The following KDSR variants were observed in gnomAD, a reference collection of about 807,000 sequenced individuals.
KDSR encodes the protein 3-dehydrosphinganine reductase.
KDSR carries 23 observed loss-of-function variants against 41.3 expected under a neutral mutation model. The observed-to-expected ratio is 0.56, with a 90% CI of 0.40 to 0.79. The LOEUF (loss-of-function observed/expected upper bound fraction) is 0.79, where lower values mean the gene tolerates loss of function less well. Among genes scored for constraint, KDSR ranks in the 30% least tolerant of loss-of-function variants. The pLI, the probability that KDSR is intolerant of heterozygous loss-of-function variation, is 0.00. For synonymous variants in KDSR, 138 were observed against 151.7 expected, an observed-to-expected ratio of 0.91 and a Z score of 0.66; for missense variants, 351 against 416.8, an observed-to-expected ratio of 0.84 and a Z score of 1.37.
At chr18:63,348,779 T>C (rs1274184129) in intron 6 of KDSR, among the ~76,000 whole-genome samples, 2 of 152,146 alleles carry the variant, frequency 1.3e-5, no homozygotes, top group African/African-American at 4.8e-5. Flanking sequence ...TGCTCTAAAT[T>C]AGTGAATGCT....
intron 2 of KDSR, among the ~76,000 whole-genome samples, chr18:63,360,942 G>A (rs531552445): frequency 7.6e-6 from 1 of 130,940 alleles, no homozygotes; most frequent in African/African-American, 3.0e-5. Flanking sequence ...ATCACTTAAG[G>A]TCAGGAGTTT....
intron 7 of KDSR, among the ~76,000 whole-genome samples, chr18:63,339,298 A>G (rs1914275085): frequency 6.6e-6 from 1 of 152,236 alleles, no homozygotes; most frequent in Non-Finnish European, 1.5e-5. Context: ...CAGCAACTCC[A>G]TTCTGACCAT....
chr18:63,357,472 TAA>T (rs34264344), intron 3 of KDSR, among the ~76,000 whole-genome samples: 2 of 137,824 alleles, frequency 1.5e-5, no homozygotes, highest in Admixed American at 7.5e-5. Flanking sequence ...TACGCAGCAG[TAA>T]AAAAAAAAAA....
Position 63,328,352 on chromosome 18 carries a change from TTTC to T in KDSR, c.*3427_*3429del, listed in dbSNP as rs1211132701. On this transcript the variant is annotated 3_prime_UTR_variant, in exon 10 of 10. Transcript: ENST00000645214. ...TTAACAGATCCAGATAAAGATTTTT[TTTC>T]TTTTTTTTTTTTTTTGAGACAGAGT... The T allele has an allele frequency of 7.2e-6, 1 of 138,110 alleles. No individual in the cohort carries two copies. The highest frequency in any genetic ancestry group is 2.6e-5 in the African/African-American group (1 of 38,646). The allele number at this position is 138,110 out of a possible 1,614,324, so 8.6% of individuals were successfully genotyped here.
chr18:63,337,118 A>C (rs201996872), intron 8 of KDSR, among the ~76,000 whole-genome samples: 1,053 of 48,260 alleles, frequency 0.022, 65 homozygotes, highest in Non-Finnish European at 0.037. Context: ...ATGTGAATAT[A>C]TATATATATA....
chr18:63,359,157 T>C (rs1216688663), intron 3 of KDSR, among the ~76,000 whole-genome samples: 2 of 115,158 alleles, frequency 1.7e-5, no homozygotes, highest in African/African-American at 7.0e-5. Context: ...CCAGCCTGGA[T>C]GACAGATTGA....
rs199796012 is a variant in KDSR at position 63,331,278 on chromosome 18, GAGAGAGACAGAGAGAC to G, written c.*488_*503del. 7.8e-3 allele frequency: 1,429 copies of G among 183,990 alleles called. 11 individuals are homozygous for G. Among genetic ancestry groups the G allele is most frequent in the South Asian group, 0.019 (84 of 4,344 alleles). The allele number at this position is 183,990 out of a possible 1,614,324, so 11.4% of individuals were successfully genotyped here. A position where few individuals can be genotyped will look rare whatever the true frequency, so the allele number is the denominator to read the frequency against. ...ACACAAAGAAAGAAAGAGAGAGAGA[GAGAGAGACAGAGAGAC>G]AGAGAGACAGAGAGACAGAGAGACA... is the stretch of plus-strand genomic sequence containing the variant. On this transcript the variant is annotated 3_prime_UTR_variant, in exon 10 of 10. Coordinates refer to ENST00000645214, the MANE Select transcript of KDSR (RefSeq NM_002035.4).
chr18:63,334,140 G>A (rs1432092714), intron 9 of KDSR, among the ~76,000 whole-genome samples: 2 of 152,224 alleles, frequency 1.3e-5, no homozygotes, highest in East Asian at 3.8e-4. Flanking sequence ...CAACCTCTAA[G>A]AGAATGGCAA....
At chr18:63,332,697 C>T (rs963064881) in intron 9 of KDSR, among the ~76,000 whole-genome samples, 16 of 151,836 alleles carry the variant, frequency 1.1e-4, no homozygotes, top group African/African-American at 1.9e-4. Context: ...CCGCGTGTGG[C>T]GGTGTGCGCC....
chr18:63,344,748 G>A (rs1914446990), intron 6 of KDSR: 1 of 373,426 alleles, frequency 2.7e-6, no homozygotes, highest in Non-Finnish European at 4.9e-6. Context: ...CTCCTTTGCA[G>A]TGTCTTCCAC....
intron 8 of KDSR, chr18:63,335,731 C>T (rs183914354): frequency 1.1e-4 from 18 of 159,494 alleles, no homozygotes; most frequent in Middle Eastern, 6.0e-3. Context: ...TACTACCACA[C>T]GCACTCGCAG....
intron 7 of KDSR, among the ~76,000 whole-genome samples, chr18:63,339,753 G>A (rs748529203): frequency 1.3e-5 from 2 of 152,094 alleles, no homozygotes; most frequent in Admixed American, 6.6e-5. Flanking sequence ...TTTTCTTTGC[G>A]ATGTCTTGCA....
intron 9 of KDSR, among the ~76,000 whole-genome samples, chr18:63,333,280 C>G (rs969537232): frequency 2.0e-5 from 3 of 152,136 alleles, no homozygotes; most frequent in Non-Finnish European, 4.4e-5. Flanking sequence ...GAGACAGGGT[C>G]TCACTATGTT....
At chr18:63,355,398 C>T in intron 4 of KDSR, 99 bp from the exon 5 acceptor site, 1 of 1,606,792 alleles carries the variant, frequency 6.2e-7, no homozygotes, top group Non-Finnish European at 8.5e-7. Flanking sequence ...ACTATTAAAC[C>T]TATAGAGAAG....
intron 1 of KDSR, among the ~76,000 whole-genome samples, chr18:63,364,766 T>A (rs888982202): frequency 1.3e-5 from 2 of 152,248 alleles, no homozygotes; most frequent in Admixed American, 1.3e-4. Context: ...TCACTGTCCC[T>A]ATGCAAATTA....
At chr18:63,335,176 C>A in intron 9 of KDSR, 81 bp downstream of exon 9, 1 of 865,774 alleles carries the variant, frequency 1.2e-6, no homozygotes, top group Non-Finnish European at 1.9e-6. Context: ...TTCCCTTAAC[C>A]TCTTCTCATC....
rs762077960 is a variant in KDSR, at chr18:63,355,211, G to A, written c.410C>T (p.Thr137Ile). The change falls in exon 5 of 10, where the codon ACC becomes ATC. Residue 137 changes from threonine (T) to isoleucine (I), a missense_variant. By Grantham distance (89) the Thr-to-Ile change is moderately conservative (BLOSUM62 -1). Coordinates refer to ENST00000645214, the MANE Select transcript of KDSR (RefSeq NM_002035.4). ...GCAAACATTTTTACTTACTTCAAAG[G>A]TACTAACTTCAAGATCTTCAAATTT... ...SGKFEDLEVS[T>I]FERLMSINYL... 1.2e-5 allele frequency: 20 copies of A among 1,609,240 alleles called. No individual in the cohort carries two copies. In the South Asian group the frequency reaches 2.0e-4, roughly 16 times the overall value.
chr18:63,328,008 T>C lies in KDSR; in HGVS notation c.*3774A>G, dbSNP rs1053167650. The C allele has an allele frequency of 5.0e-6, 1 of 201,920 alleles. No individual in the cohort carries two copies. The highest frequency in any genetic ancestry group is 1.0e-5 in the Non-Finnish European group (1 of 98,250). 12.5% of individuals were successfully genotyped at this position (201,920 alleles called of 1,614,324 possible). ...GAAGAGCAAGATTTAGTCCAGAATA[T>C]GGAAGGTTCTGGTTGGCAGGTACTT... On this transcript the variant is annotated 3_prime_UTR_variant, in exon 10 of 10. Coordinates refer to ENST00000645214, the MANE Select transcript of KDSR (RefSeq NM_002035.4).
chr18:63,357,623 T>C (rs1914838758), intron 3 of KDSR, among the ~76,000 whole-genome samples: 1 of 146,678 alleles, frequency 6.8e-6, no homozygotes, highest in Admixed American at 6.9e-5. Context: ...TCTCCCTCTG[T>C]TACCCAGGCT....
Sources: gnomAD v4.1 joint callset for allele counts (sites outside exome capture counted in the v4.1 genomes callset) on GRCh38, gnomAD v4.1.1 for gene constraint, MANE v1.5 for transcripts, NCBI Gene and HGNC (gene_info 2026-07-23, HGNC 2026-07-21) for gene names.